CTNNA2: variants seen among roughly 807,000 people sequenced by gnomAD.
The protein encoded by CTNNA2 is catenin alpha 2.
Under a neutral mutation model 101.0 loss-of-function variants are expected in CTNNA2, and 42 were observed. The observed-to-expected ratio is 0.42, with a 90% confidence interval of 0.32 to 0.54. The LOEUF (loss-of-function observed/expected upper bound fraction) is 0.54, where lower values mean the gene tolerates loss of function less well. Ranked by LOEUF, CTNNA2 falls within the 20% of genes least tolerant of loss-of-function variation. The pLI is 0.14. For synonymous variants in CTNNA2, 450 were observed against 456.4 expected (o/e 0.99, Z 0.18); for missense variants, 871 against 1,223.1 (o/e 0.71, Z 4.29).
intron 3 of CTNNA2, among the ~76,000 whole-genome samples, chr2:79,757,194 A>G (rs1259673953): frequency 6.6e-6 from 1 of 152,188 alleles, no homozygotes; most frequent in East Asian, 1.9e-4. Flanking sequence ...AATTACATAT[A>G]CTCTACACTT....
intron 3 of CTNNA2, among the ~76,000 whole-genome samples, chr2:79,792,831 A>G (rs563721744): frequency 1.4e-4 from 21 of 152,350 alleles, no homozygotes; most frequent in African/African-American, 5.0e-4. Context: ...TGAAATCCAA[A>G]GAACCTGATC....
chr2:79,545,906 T>C (rs1673702922), intron 1 of CTNNA2, among the ~76,000 whole-genome samples: 2 of 152,192 alleles, frequency 1.3e-5, no homozygotes, highest in Admixed American at 6.5e-5. Flanking sequence ...CTAAGCTCTT[T>C]ATATATTTAC....
chr2:79,635,108 G>A (rs1231379171), intron 1 of CTNNA2, among the ~76,000 whole-genome samples: 1 of 152,152 alleles, frequency 6.6e-6, no homozygotes, highest in Non-Finnish European at 1.5e-5. Context: ...AATGCCAAGA[G>A]CCTTGATTAA....
chr2:79,287,526 A>C (rs1216611150), intron 2 of CTNNA2, among the ~76,000 whole-genome samples: 1 of 143,106 alleles, frequency 7.0e-6, no homozygotes, highest in Non-Finnish European at 1.5e-5. Flanking sequence ...GTGAGGTGTC[A>C]GTCTGCCCCT....
intron 7 of CTNNA2, among the ~76,000 whole-genome samples, chr2:80,266,336 C>T (rs1051166058): frequency 6.6e-6 from 1 of 152,232 alleles, no homozygotes; most frequent in Non-Finnish European, 1.5e-5. Context: ...CCAATGCCAT[C>T]GCCCACAGGG....
intron 8 of CTNNA2, among the ~76,000 whole-genome samples, chr2:80,401,422 T>C (rs1019260108): frequency 1.3e-5 from 2 of 152,190 alleles, no homozygotes; most frequent in African/African-American, 4.8e-5. Flanking sequence ...TTAATGAGGA[T>C]ACCCTAATCC....
chr2:80,049,056 C>G (rs1288009312), intron 7 of CTNNA2, among the ~76,000 whole-genome samples: 1 of 152,136 alleles, frequency 6.6e-6, no homozygotes, highest in Non-Finnish European at 1.5e-5. Context: ...AGGGAAGTAG[C>G]AAGATCTAAT....
At chr2:79,528,258 G>C (rs961443313) in intron 1 of CTNNA2, among the ~76,000 whole-genome samples, 2 of 151,690 alleles carry the variant, frequency 1.3e-5, no homozygotes, top group Non-Finnish European at 2.9e-5. Context: ...GTGTTGCCCA[G>C]GTTAAGTGCA....
At chr2:80,560,214 C>T (rs12714007) in intron 12 of CTNNA2, among the ~76,000 whole-genome samples, 28,437 of 151,834 alleles carry the variant, frequency 0.19, 2,723 homozygotes, top group Middle Eastern at 0.25. Context: ...AAGTTTTATA[C>T]GAATGGGAAG....
intron 7 of CTNNA2, among the ~76,000 whole-genome samples, chr2:80,386,708 G>A (rs1677040447): frequency 6.6e-6 from 1 of 152,150 alleles, no homozygotes; most frequent in Non-Finnish European, 1.5e-5. Flanking sequence ...ACAACAATTT[G>A]AAAACTGGGC....
chr2:79,360,690 G>A (rs1677608150), intron 3 of CTNNA2, among the ~76,000 whole-genome samples: 1 of 152,138 alleles, frequency 6.6e-6, no homozygotes, highest in Admixed American at 6.5e-5. Flanking sequence ...AACACAAAAA[G>A]TCAACAGGAA....
chr2:80,049,568 C>T (rs1038353420), intron 7 of CTNNA2, among the ~76,000 whole-genome samples: 1 of 152,160 alleles, frequency 6.6e-6, no homozygotes, highest in African/African-American at 2.4e-5. Flanking sequence ...TCATAGGAAC[C>T]CAGGAACCTC....
chr2:80,596,711 C>G (rs1275236391), intron 15 of CTNNA2, among the ~76,000 whole-genome samples: 1 of 151,926 alleles, frequency 6.6e-6, no homozygotes, highest in African/African-American at 2.4e-5. Context: ...CTTTTTGTTG[C>G]CTGATTGCCC....
chr2:79,260,034 C>T (rs1224374862), intron 2 of CTNNA2, among the ~76,000 whole-genome samples: 1 of 152,150 alleles, frequency 6.6e-6, no homozygotes, highest in Non-Finnish European at 1.5e-5. Context: ...TAGATGTTTT[C>T]CCACTTAGTC....
rs918799164 is a variant in CTNNA2 at position 79,457,119 on chromosome 2, A to G, written c.-134-47935A>G. Among the ~76,000 whole-genome samples, 12 of 151,370 alleles carry G rather than the reference A, an allele frequency of 7.9e-5. No individual in the cohort carries two copies. The South Asian group carries it at 8.3e-4, about 11-fold the overall frequency. On this transcript the variant is annotated intron_variant, in intron 4 of 21. Coordinates refer to the CTNNA2 transcript ENST00000466387. ...CAGGAGGCTGAGGCAGGAGAATGGCATGAACCCGGGAGGCGGAGCTTGCAG... is the reference window on the plus strand; with the variant it reads ...CAGGAGGCTGAGGCAGGAGAATGGCGTGAACCCGGGAGGCGGAGCTTGCAG...
chr2:80,271,239 A>T (rs960903930), intron 7 of CTNNA2, among the ~76,000 whole-genome samples: 1 of 152,188 alleles, frequency 6.6e-6, no homozygotes, highest in African/African-American at 2.4e-5. Context: ...TATATTTGTA[A>T]CATATGTAGT....
intron 1 of CTNNA2, among the ~76,000 whole-genome samples, chr2:79,568,885 A>AG (rs1675288526): frequency 7.8e-6 from 1 of 128,850 alleles, no homozygotes; most frequent in African/African-American, 2.8e-5. Flanking sequence ...AAAAAAAAAA[A>AG]AAGCCAGGCA....
intron 7 of CTNNA2, among the ~76,000 whole-genome samples, chr2:79,986,268 A>G (rs1001987081): frequency 6.6e-5 from 10 of 152,184 alleles, no homozygotes; most frequent in Admixed American, 6.5e-4. Context: ...CTTTGAAAAC[A>G]GACATTCCCC....
chr2:79,660,402 A>C (rs1681954561), intron 2 of CTNNA2, among the ~76,000 whole-genome samples: 1 of 151,478 alleles, frequency 6.6e-6, no homozygotes, highest in Non-Finnish European at 1.5e-5. Flanking sequence ...ATATGTGAAC[A>C]GAATTTGAAT....
Sources: allele counts gnomAD v4.1 joint callset (sites outside exome capture counted in the v4.1 genomes callset), GRCh38; gene constraint gnomAD v4.1.1; transcripts MANE v1.5; gene names NCBI Gene and HGNC (gene_info 2026-07-23, HGNC 2026-07-21).